The following NRXN3 variants were observed in gnomAD, a reference collection of about 807,000 sequenced individuals.
The protein encoded by NRXN3 is neurexin III.
NRXN3 carries 32 observed loss-of-function variants against 137.6 expected under a neutral mutation model. That is an observed-to-expected ratio of 0.23 (90% CI 0.18 to 0.31). NRXN3 has a LOEUF of 0.31. NRXN3 is among the 10% of genes least tolerant of loss of function. The pLI, the probability that NRXN3 is intolerant of heterozygous loss-of-function variation, is 1.00. For missense variants in NRXN3, 1,574 were observed against 2,062.5 expected (o/e 0.76, Z 4.59); for synonymous variants, 798 against 784.5 (o/e 1.02, Z -0.29).
At chr14:79,685,345 T>C (rs1019740112) in intron 17 of NRXN3, among the ~76,000 whole-genome samples, 2 of 152,142 alleles carry the variant, frequency 1.3e-5, no homozygotes, top group African/African-American at 4.8e-5. Flanking sequence ...CTAAGCATGG[T>C]TACCAGAAAG....
chr14:79,456,102 G>A (rs2096253452), intron 15 of NRXN3, among the ~76,000 whole-genome samples: 1 of 152,076 alleles, frequency 6.6e-6, no homozygotes, highest in African/African-American at 2.4e-5. Context: ...AAGATTGTAT[G>A]TATAAAGAGT....
intron 1 of NRXN3, among the ~76,000 whole-genome samples, chr14:78,185,006 A>T (rs543940667): frequency 6.6e-6 from 1 of 152,340 alleles, no homozygotes; most frequent in African/African-American, 2.4e-5. Flanking sequence ...AGAGAGAAGA[A>T]GGGAATGCCT....
intron 4 of NRXN3, among the ~76,000 whole-genome samples, chr14:78,363,182 A>C (rs2085391692): frequency 6.6e-6 from 1 of 151,994 alleles, no homozygotes; most frequent in South Asian, 2.1e-4. Context: ...TTCACTGCTC[A>C]TCATCTGTGA....
intron 10 of NRXN3, among the ~76,000 whole-genome samples, chr14:78,818,563 C>T (rs1162802723): frequency 6.6e-6 from 1 of 151,982 alleles, no homozygotes; most frequent in Non-Finnish European, 1.5e-5. Flanking sequence ...AGATTTCTGA[C>T]AAATAAATAT....
Position 78,743,582 on chromosome 14 carries a change from G to A in NRXN3, c.2044+28443G>A, listed in dbSNP as rs537085644. Among the ~76,000 whole-genome samples, 6 of 152,214 alleles carry A rather than the reference G, an allele frequency of 3.9e-5. No homozygotes were observed. In the South Asian group the frequency reaches 1.2e-3, roughly 32 times the overall value. ...TTCATAATCAACTCTAAATCTACAT[G>A]CCCAAAAGATAACTCTTATCACATA... On this transcript the variant is annotated intron_variant, in intron 8 of 20. Transcript: ENST00000335750.
At chr14:78,792,901 A>G (rs148905925) in intron 8 of NRXN3, among the ~76,000 whole-genome samples, 458 of 152,326 alleles carry the variant, frequency 3.0e-3, no homozygotes, top group South Asian at 0.015. Flanking sequence ...TTCTTTTTTA[A>G]AAAGTTGTTA....
chr14:78,801,344 A>G (rs1316708465), intron 8 of NRXN3, among the ~76,000 whole-genome samples: 3 of 152,160 alleles, frequency 2.0e-5, no homozygotes, highest in Non-Finnish European at 4.4e-5. Flanking sequence ...GAAATACATG[A>G]GACTGGTAAT....
intron 15 of NRXN3, among the ~76,000 whole-genome samples, chr14:79,448,202 T>C (rs187679860): frequency 1.4e-4 from 21 of 152,290 alleles, no homozygotes; most frequent in African/African-American, 3.4e-4. Context: ...TTTACCCTTA[T>C]TTCCTCTGCC....
chr14:79,473,535 G>A (rs941696645), intron 16 of NRXN3, among the ~76,000 whole-genome samples: 2 of 152,142 alleles, frequency 1.3e-5, no homozygotes, highest in African/African-American at 4.8e-5. Context: ...TCATCTCTGG[G>A]TTTGGCCAGT....
At chr14:79,281,413 C>T (rs1050457400) in intron 15 of NRXN3, among the ~76,000 whole-genome samples, 1 of 152,094 alleles carries the variant, frequency 6.6e-6, no homozygotes, top group African/African-American at 2.4e-5. Context: ...AGCTGTTAGC[C>T]GGCTGCCTCT....
intron 4 of NRXN3, among the ~76,000 whole-genome samples, chr14:78,523,935 T>C (rs2096332949): frequency 6.6e-6 from 1 of 150,516 alleles, no homozygotes; most frequent in African/African-American, 2.5e-5. Flanking sequence ...GAGAAAGCCA[T>C]ACTCAAATGA....
intron 8 of NRXN3, among the ~76,000 whole-genome samples, chr14:78,733,048 T>C (rs1305218550): frequency 6.6e-6 from 1 of 152,172 alleles, no homozygotes; most frequent in Non-Finnish European, 1.5e-5. Flanking sequence ...TTGGTTCCAT[T>C]CTTTGTAACA....
At chr14:79,717,474 G>A (rs1305883107) in intron 19 of NRXN3, among the ~76,000 whole-genome samples, 1 of 152,178 alleles carries the variant, frequency 6.6e-6, no homozygotes, top group African/African-American at 2.4e-5. Flanking sequence ...TTCAGGAAAA[G>A]CAATCAGTGA....
chr14:78,405,040 AG>A (rs1205731466), intron 4 of NRXN3, among the ~76,000 whole-genome samples: 2 of 152,228 alleles, frequency 1.3e-5, no homozygotes, highest in Non-Finnish European at 2.9e-5. Context: ...CAAAATATAT[AG>A]GCTTCATCCA....
intron 1 of NRXN3, among the ~76,000 whole-genome samples, chr14:78,226,931 G>A (rs2064749026): frequency 6.6e-6 from 1 of 152,218 alleles, no homozygotes; most frequent in Non-Finnish European, 1.5e-5. Context: ...GCAGAGTCTG[G>A]CATAGGTGGG....
At chr14:78,416,588 G>A (rs1436606845) in intron 4 of NRXN3, among the ~76,000 whole-genome samples, 1 of 152,204 alleles carries the variant, frequency 6.6e-6, no homozygotes, top group Non-Finnish European at 1.5e-5. Flanking sequence ...ATGAGCTCTG[G>A]TAAATCACTT....
intron 15 of NRXN3, among the ~76,000 whole-genome samples, chr14:79,190,611 C>G (rs985120196): frequency 6.6e-6 from 1 of 152,006 alleles, no homozygotes; most frequent in Non-Finnish European, 1.5e-5. Context: ...TGGTTTCTCT[C>G]GATATTCCGA....
chr14:79,450,113 C>CCT (rs897400684), intron 15 of NRXN3, among the ~76,000 whole-genome samples: 7 of 151,342 alleles, frequency 4.6e-5, no homozygotes, highest in Non-Finnish European at 8.8e-5. Flanking sequence ...ATACTCACTC[C>CCT]CTCTCTCTCT....
At chr14:78,477,548 A>G (rs1259217268) in intron 4 of NRXN3, among the ~76,000 whole-genome samples, 1 of 152,222 alleles carries the variant, frequency 6.6e-6, no homozygotes, top group Non-Finnish European at 1.5e-5. Context: ...TTGTTTTAGA[A>G]TGAAAATTTG....
Sources: gnomAD v4.1 joint callset for allele counts (sites outside exome capture counted in the v4.1 genomes callset) on GRCh38, gnomAD v4.1.1 for gene constraint, MANE v1.5 for transcripts, NCBI Gene and HGNC (gene_info 2026-07-23, HGNC 2026-07-21) for gene names.